LPCAT3: variants seen among roughly 807,000 people sequenced by gnomAD.
LPCAT3 encodes the protein lysophosphatidylcholine acyltransferase 3.
A neutral mutation model predicts 63.4 loss-of-function variants in LPCAT3; 21 were observed. The ratio of observed to expected loss-of-function variants is 0.33; its 90% CI spans 0.23 to 0.48. The LOEUF is 0.48. LPCAT3 is among the 20% of genes least tolerant of loss of function. The probability of loss-of-function intolerance (pLI) is 0.99; values close to 1 mark genes in which losing one functional copy is unlikely to be tolerated. For synonymous variants in LPCAT3, 242 were observed against 227.5 expected, an observed-to-expected ratio of 1.06 and a Z score of -0.58; for missense variants, 451 against 590.6, an observed-to-expected ratio of 0.76 and a Z score of 2.45.
At chr12:6,997,228 T>A (rs1946643920) in intron 1 of LPCAT3, 1 of 152,234 alleles carries the variant, frequency 6.6e-6, no homozygotes, top group Non-Finnish European at 1.5e-5. Context: ...GAGACAGTAC[T>A]TCACTCTGTT....
At chr12:6,993,749 T>G (rs1733895152) in intron 1 of LPCAT3, among the ~76,000 whole-genome samples, 2 of 152,358 alleles carry the variant, frequency 1.3e-5, no homozygotes, top group Admixed American at 1.3e-4. Flanking sequence ...AATATCCCGT[T>G]GTATGGATAC....
intron 6 of LPCAT3, 200 bp from the exon 7 acceptor site, chr12:6,979,779 T>A (rs1337238312): frequency 1.7e-6 from 1 of 587,698 alleles, no homozygotes; most frequent in Non-Finnish European, 3.0e-6. Flanking sequence ...ACTGCAAACC[T>A]CTTAAGAGTT....
chr12:7,003,494 G>T (rs1237679835), intron 1 of LPCAT3, among the ~76,000 whole-genome samples: 1 of 152,016 alleles, frequency 6.6e-6, no homozygotes, highest in East Asian at 1.9e-4. Context: ...TAGAGACTGG[G>T]TCTCACTGTG....
Position 6,977,335 on chromosome 12 carries a change from C to G in LPCAT3, c.1347+32G>C. On this transcript the variant is annotated intron_variant, in intron 11 of 12. Coordinates refer to ENST00000261407, the MANE Select transcript of LPCAT3 (RefSeq NM_005768.6). The surrounding 1 kb of genome is among the most constrained non-coding windows in gnomAD (Gnocchi z 4.5). ...GCAACCTTTGAGGTTGCAGTGAGTC[C>G]CTCCCAGTCTCACAAGCAGGCCTTC... 6.2e-7 allele frequency: 1 copy of G among 1,613,398 alleles called. No homozygotes were observed. Among genetic ancestry groups the G allele is most frequent in the Non-Finnish European group, 8.5e-7 (1 of 1,179,414 alleles).
At chr12:6,994,276 T>C (rs1946616230) in intron 1 of LPCAT3, among the ~76,000 whole-genome samples, 1 of 151,934 alleles carries the variant, frequency 6.6e-6, no homozygotes, top group African/African-American at 2.4e-5. Flanking sequence ...GGCATGATCT[T>C]GGCTCACGGC....
intron 9 of LPCAT3, chr12:6,978,096 A>G (rs1478676524): frequency 1.8e-6 from 1 of 561,648 alleles, no homozygotes; most frequent in African/African-American, 1.9e-5. Context: ...ACATAAGTCC[A>G]TTGGCAGAGC....
rs782437751 is a variant in LPCAT3 at position 6,977,245 on chromosome 12, A to G, written c.1365T>C (p.Tyr455=). ...TCAGGAAGAAGATGTGGCCAAGGAA[A>G]TAGATGGATTTATACACCTGTGGAG... The part of the protein sequence containing the change: ...DKWLKVYKSI[Y]FLGHIFFLSL... The change falls in exon 12 of 13, where the codon TAT becomes TAC. Residue 455 remains tyrosine, a synonymous_variant. Transcript: ENST00000261407. The surrounding 1 kb of genome is among the most constrained non-coding windows in gnomAD (Gnocchi z 4.5). 1 of 1,613,830 alleles carries G rather than the reference A, an allele frequency of 6.2e-7. No homozygotes were observed. The highest frequency in any genetic ancestry group is 8.5e-7 in the Non-Finnish European group (1 of 1,179,680).
chr12:6,985,402 C>A (rs998264676), intron 1 of LPCAT3, among the ~76,000 whole-genome samples: 1 of 149,304 alleles, frequency 6.7e-6, no homozygotes, highest in Admixed American at 6.7e-5. Flanking sequence ...TCTCAAAAAA[C>A]CAAAATAAAA....
At chr12:7,016,346 G>C (rs1228633496) in intron 1 of LPCAT3, among the ~76,000 whole-genome samples, 3 of 149,406 alleles carry the variant, frequency 2.0e-5, no homozygotes, top group Non-Finnish European at 4.4e-5. Flanking sequence ...GAGCTAACTT[G>C]GCTCACTACA....
intron 1 of LPCAT3, among the ~76,000 whole-genome samples, chr12:7,007,187 G>A (rs1171133466): frequency 6.6e-6 from 1 of 151,758 alleles, no homozygotes; most frequent in Non-Finnish European, 1.5e-5. Flanking sequence ...GGGATTACAA[G>A]CGCCTGCCAC....
intron 1 of LPCAT3, among the ~76,000 whole-genome samples, chr12:7,012,683 C>G (rs1555157322): frequency 2.0e-5 from 3 of 152,190 alleles, no homozygotes. Context: ...AAAACTCTGT[C>G]TTTAGCCCAG....
intron 1 of LPCAT3, among the ~76,000 whole-genome samples, chr12:6,994,386 T>G (rs1946617994): frequency 6.6e-6 from 1 of 152,080 alleles, no homozygotes; most frequent in Non-Finnish European, 1.5e-5. Flanking sequence ...TTTTGTATTT[T>G]CAGTAGAGAT....
rs782354941 is a variant in LPCAT3, at chr12:6,995,469, G to A, written c.152-11930C>T. On this transcript the variant is annotated intron_variant, in intron 1 of 12. Transcript: ENST00000261407. ...AGCCTGGGCAACAGAGCCAGACTCC[G>A]TCTCAAAAAAAAAAAAAAAGTGTTT... is the stretch of plus-strand genomic sequence containing the variant. Among the ~76,000 whole-genome samples, 14 of 147,362 alleles carry A rather than the reference G, an allele frequency of 9.5e-5. 1 individual carries two copies. In the South Asian group the frequency reaches 1.5e-3, roughly 16 times the overall value.
At chr12:7,009,643 G>A (rs1234425557) in intron 1 of LPCAT3, among the ~76,000 whole-genome samples, 1 of 152,168 alleles carries the variant, frequency 6.6e-6, no homozygotes, top group Non-Finnish European at 1.5e-5. Context: ...TTTATTGACA[G>A]GGAAGGGAAG....
chr12:6,981,463 A>C, intron 5 of LPCAT3, 132 bp downstream of exon 5: 1 of 924,084 alleles, frequency 1.1e-6, no homozygotes, highest in Non-Finnish European at 1.8e-6. Context: ...GTGCTATCTG[A>C]AAGGGAGATT....
chr12:6,991,733 C>G (rs782422096), intron 1 of LPCAT3, among the ~76,000 whole-genome samples: 12 of 152,170 alleles, frequency 7.9e-5, no homozygotes, highest in Non-Finnish European at 1.6e-4. Context: ...CATAGTTTGT[C>G]TATCATTCTT....
chr12:6,992,370 A>G (rs1171179391), intron 1 of LPCAT3, among the ~76,000 whole-genome samples: 1 of 152,060 alleles, frequency 6.6e-6, no homozygotes, highest in Non-Finnish European at 1.5e-5. Flanking sequence ...AACGATTCTT[A>G]AGTGAAACTG....
intron 5 of LPCAT3, 115 bp downstream of exon 5, chr12:6,981,480 G>T: frequency 2.9e-6 from 3 of 1,031,560 alleles, no homozygotes; most frequent in Non-Finnish European, 4.6e-6. Context: ...GATTGCACAG[G>T]CTGGGGAATG....
intron 6 of LPCAT3, 130 bp from the exon 7 acceptor site, chr12:6,979,709 C>T (rs1946449874): frequency 4.6e-6 from 3 of 658,036 alleles, no homozygotes; most frequent in Non-Finnish European, 8.2e-6. Flanking sequence ...AGAAGCTCTG[C>T]TGCCCAAAGT....
Sources: gnomAD v4.1 joint callset for allele counts (sites outside exome capture counted in the v4.1 genomes callset) on GRCh38, gnomAD v4.1.1 for gene constraint, Gnocchi (gnomAD v3.1) non-coding constraint, MANE v1.5 for transcripts, NCBI Gene and HGNC (gene_info 2026-07-23, HGNC 2026-07-21) for gene names.